Variants in RIMBP2 observed in about 807,000 individuals in gnomAD.
RIMBP2 encodes the protein RIMS binding protein 2.
In RIMBP2, 48 loss-of-function variants were observed where a neutral mutation model predicts 118.6. The observed-to-expected ratio is 0.40, with a 90% CI of 0.32 to 0.51. RIMBP2 has a LOEUF of 0.51. RIMBP2 is among the 20% of genes least tolerant of loss of function. The pLI is 0.41. For synonymous variants in RIMBP2, 762 were observed against 742.9 expected, an observed-to-expected ratio of 1.03 and a Z score of -0.42; for missense variants, 1,551 against 1,768.3, an observed-to-expected ratio of 0.88 and a Z score of 2.20.
At chr12:130,602,736 T>G (rs982878828) in intron 2 of RIMBP2, among the ~76,000 whole-genome samples, 4 of 152,388 alleles carry the variant, frequency 2.6e-5, no homozygotes, top group African/African-American at 9.6e-5. Context: ...CAACGGTGGT[T>G]CTGTTGCACC....
chr12:130,406,265 T>A, intron 20 of RIMBP2, 22 bp from the exon 21 acceptor site: 2 of 1,522,738 alleles, frequency 1.3e-6, no homozygotes, highest in Non-Finnish European at 1.8e-6. Flanking sequence ...AAACATAAAA[T>A]TAATCGTATT....
intron 2 of RIMBP2, among the ~76,000 whole-genome samples, chr12:130,558,735 A>C (rs2056576740): frequency 6.6e-6 from 1 of 152,232 alleles, no homozygotes; most frequent in South Asian, 2.1e-4. Context: ...CTGCAAGGGC[A>C]TCTGAATCCC....
At chr12:130,609,439 G>C (rs973121477) in intron 2 of RIMBP2, among the ~76,000 whole-genome samples, 2 of 131,214 alleles carry the variant, frequency 1.5e-5, no homozygotes, top group Admixed American at 7.2e-5. Flanking sequence ...TGGTCAGAGG[G>C]ACCCCGACCC....
intron 1 of RIMBP2, among the ~76,000 whole-genome samples, chr12:130,711,361 G>A (rs1433948264): frequency 6.6e-6 from 1 of 152,156 alleles, no homozygotes; most frequent in Non-Finnish European, 1.5e-5. Context: ...CCCTTTTCAC[G>A]TTTTGCTGGA....
Position 130,449,844 on chromosome 12 carries a change from C to T in RIMBP2, c.581+356G>A, listed in dbSNP as rs115995924. ...GAGCCACGCAGCTACAAGCCAGGGC[C>T]GCCTGGTCTCCCGGCAGCCAGAAGA... is the stretch of plus-strand genomic sequence containing the variant. On this transcript the variant is annotated intron_variant, in intron 9 of 22. Transcript: ENST00000690449. Among the ~76,000 whole-genome samples, 903 of 152,056 alleles carry T rather than the reference C, an allele frequency of 5.9e-3. 12 individuals carry two copies. Among genetic ancestry groups the T allele is most frequent in the African/African-American group, 0.021 (863 of 41,486 alleles).
rs191129829 is a variant in RIMBP2 at position 130,398,828 on chromosome 12, A to G, written c.3900+851T>C. ...TGCAGCTCTCTCTATGTAAACACAC[A>G]GTTAGCTTGTTAAGAAATATGTTCC... On this transcript the variant is annotated intron_variant, in intron 22 of 22. Coordinates refer to ENST00000690449, the MANE Select transcript of RIMBP2 (RefSeq NM_001393629.1). 14 of 188,228 alleles carry G rather than the reference A, an allele frequency of 7.4e-5. No homozygotes were observed. In the East Asian group the frequency reaches 1.7e-3, roughly 23 times the overall value. 11.7% of individuals were successfully genotyped at this position (188,228 alleles called of 1,614,324 possible).
chr12:130,575,605 G>A (rs1456968216), intron 2 of RIMBP2, among the ~76,000 whole-genome samples: 1 of 152,194 alleles, frequency 6.6e-6, no homozygotes, highest in Non-Finnish European at 1.5e-5. Context: ...GGATCCAAAT[G>A]TGCATGAAAC....
Position 130,601,838 on chromosome 12 carries a change from A to G in RIMBP2, c.-217+26484T>C, listed in dbSNP as rs186982948. On this transcript the variant is annotated intron_variant, in intron 2 of 22. Coordinates refer to ENST00000690449, the MANE Select transcript of RIMBP2 (RefSeq NM_001393629.1). The stretch of plus-strand genomic sequence containing the variant: ...TTAAACATTTAATTGAGCAGCTACT[A>G]TATATGTTCAGTATGCAAATAGGTG... 1.3e-4 allele frequency among the ~76,000 whole-genome samples: 20 copies of G among 152,320 alleles called. No individual in the cohort carries two copies. In the East Asian group the frequency reaches 2.3e-3, roughly 18 times the overall value.
intron 4 of RIMBP2, among the ~76,000 whole-genome samples, chr12:130,482,471 G>A (rs903209063): frequency 1.2e-4 from 19 of 152,312 alleles, no homozygotes; most frequent in African/African-American, 4.6e-4. Flanking sequence ...GCACCTAAAT[G>A]ACATCTGTGG....
intron 1 of RIMBP2, among the ~76,000 whole-genome samples, chr12:130,674,130 TA>T (rs928146634): frequency 6.6e-6 from 1 of 151,712 alleles, no homozygotes; most frequent in Non-Finnish European, 1.5e-5. Context: ...ATTTAAAAAA[TA>T]AAAAAAATGT....
At chr12:130,477,628 A>T (rs2081549830) in intron 5 of RIMBP2, among the ~76,000 whole-genome samples, 1 of 152,200 alleles carries the variant, frequency 6.6e-6, no homozygotes, top group Admixed American at 6.5e-5. Context: ...TATCCTTAAT[A>T]CGATCTCATG....
intron 4 of RIMBP2, among the ~76,000 whole-genome samples, chr12:130,489,922 G>A (rs13377691): frequency 0.045 from 6,881 of 152,078 alleles, 378 homozygotes; most frequent in East Asian, 0.16. Flanking sequence ...TCAGGAGATC[G>A]AGACCATCCT....
At chr12:130,440,988 A>G (rs944555189) in intron 11 of RIMBP2, among the ~76,000 whole-genome samples, 7 of 152,028 alleles carry the variant, frequency 4.6e-5, no homozygotes, top group African/African-American at 1.7e-4. Context: ...CCTCCCTACC[A>G]TCTCCCCAGG....
rs148756846 is a variant in RIMBP2 at position 130,711,679 on chromosome 12, G to A, written c.-352+4543C>T. Among the ~76,000 whole-genome samples the A allele has an allele frequency of 7.0e-3, 1,066 of 152,296 alleles. 12 individuals are homozygous for A. Among genetic ancestry groups the A allele is most frequent in the African/African-American group, 0.024 (981 of 41,554 alleles). On this transcript the variant is annotated intron_variant, in intron 1 of 22. Coordinates refer to ENST00000690449, the MANE Select transcript of RIMBP2 (RefSeq NM_001393629.1). ...AAGTTAAAATAGATTTAGATTAAAT[G>A]TTACTTTTCAGGGACCCACCTCATA... is the stretch of plus-strand genomic sequence containing the variant.
Position 130,646,114 on chromosome 12 carries a change from C to A in RIMBP2, c.-351-17658G>T, listed in dbSNP as rs1302058150. On this transcript the variant is annotated intron_variant, in intron 1 of 22. Coordinates refer to ENST00000690449, the MANE Select transcript of RIMBP2 (RefSeq NM_001393629.1). ...CCCTCTCCACCTCCCTCTCCACCTC[C>A]CTCACCACCTGCCTCTCCACCTCCC... Among the ~76,000 whole-genome samples, 32 of 130,868 alleles carry A rather than the reference C, an allele frequency of 2.4e-4. 1 individual carries two copies. Among genetic ancestry groups the A allele is most frequent in the African/African-American group, 8.4e-4 (30 of 35,674 alleles). The allele number at this position is 130,868 out of a possible 152,430, so 85.9% of individuals were successfully genotyped here. A position where few individuals can be genotyped will look rare whatever the true frequency, so the allele number is the denominator to read the frequency against.
intron 2 of RIMBP2, among the ~76,000 whole-genome samples, chr12:130,589,442 A>T (rs1195977763): frequency 6.6e-6 from 1 of 152,228 alleles, no homozygotes; most frequent in Non-Finnish European, 1.5e-5. Flanking sequence ...CTGCAAACAA[A>T]GCTCCTTATT....
chr12:130,633,692 A>G (rs1350600033), intron 1 of RIMBP2: 1 of 152,208 alleles, frequency 6.6e-6, no homozygotes, highest in Non-Finnish European at 1.5e-5. Context: ...CCCAGAAAAC[A>G]ACCCTTGCTC....
At chr12:130,583,863 A>T (rs897764661) in intron 2 of RIMBP2, among the ~76,000 whole-genome samples, 4 of 140,234 alleles carry the variant, frequency 2.9e-5, no homozygotes, top group Non-Finnish European at 4.6e-5. Flanking sequence ...TTACACCATC[A>T]TCACCATGAC....
intron 2 of RIMBP2, among the ~76,000 whole-genome samples, chr12:130,595,335 G>A (rs139634682): frequency 6.6e-6 from 1 of 152,120 alleles, no homozygotes; most frequent in South Asian, 2.1e-4. Context: ...GAGATGGGCG[G>A]ACTATGAGGT....
Sources: allele counts gnomAD v4.1 joint callset (sites outside exome capture counted in the v4.1 genomes callset), GRCh38; gene constraint gnomAD v4.1.1; transcripts MANE v1.5; gene names NCBI Gene and HGNC (gene_info 2026-07-23, HGNC 2026-07-21).